The following SCD5 variants were observed in gnomAD, a reference collection of about 807,000 sequenced individuals.
SCD5 encodes acyl-CoA-desaturase 4.
In SCD5, 20 loss-of-function variants were observed where a neutral mutation model predicts 30.4. That is an observed-to-expected ratio of 0.66 (90% CI 0.46 to 0.96). The LOEUF is 0.96. Ranked by LOEUF, SCD5 falls within the 40% of genes least tolerant of loss-of-function variation. The pLI, the probability that SCD5 is intolerant of heterozygous loss-of-function variation, is 0.00. For synonymous variants in SCD5, 173 were observed against 176.4 expected (o/e 0.98, Z 0.16); for missense variants, 381 against 443.3 (o/e 0.86, Z 1.26).
At chr4:82,758,806 G>C (rs746365255) in intron 1 of SCD5, among the ~76,000 whole-genome samples, 1 of 152,152 alleles carries the variant, frequency 6.6e-6, no homozygotes, top group Non-Finnish European at 1.5e-5. Flanking sequence ...CAGGAAAGAA[G>C]GACTGACAGC....
chr4:82,796,264 T>C (rs1317438909), intron 1 of SCD5, among the ~76,000 whole-genome samples: 3 of 142,360 alleles, frequency 2.1e-5, no homozygotes, highest in Admixed American at 6.9e-5. Context: ...AGCGAGACTC[T>C]GTCTCAAAAA....
chr4:82,776,506 T>C (rs974627377), intron 1 of SCD5, among the ~76,000 whole-genome samples: 3 of 152,204 alleles, frequency 2.0e-5, no homozygotes, highest in African/African-American at 7.2e-5. Context: ...GAGGTGTTCA[T>C]ATCCCTGCTG....
intron 1 of SCD5, among the ~76,000 whole-genome samples, chr4:82,775,205 G>A (rs1037922222): frequency 6.6e-6 from 1 of 152,210 alleles, no homozygotes; most frequent in Non-Finnish European, 1.5e-5. Flanking sequence ...ATATCCCCCA[G>A]ATTCACTGGA....
At chr4:82,643,074 C>A (rs1445658172) in intron 3 of SCD5, among the ~76,000 whole-genome samples, 1 of 152,086 alleles carries the variant, frequency 6.6e-6, no homozygotes, top group Non-Finnish European at 1.5e-5. Flanking sequence ...GCCAATAAGA[C>A]TGGAGGGGAA....
chr4:82,713,339 G>A (rs529027427), intron 1 of SCD5, among the ~76,000 whole-genome samples: 1 of 152,290 alleles, frequency 6.6e-6, no homozygotes, highest in East Asian at 1.9e-4. Flanking sequence ...ATAGCAATAA[G>A]CATGAAAGTC....
At chr4:82,725,551 C>T (rs1295112316) in intron 1 of SCD5, among the ~76,000 whole-genome samples, 1 of 134,254 alleles carries the variant, frequency 7.4e-6, no homozygotes, top group East Asian at 2.1e-4. Flanking sequence ...CATTCTAAAA[C>T]GTGATTCCTT....
chr4:82,730,263 T>TTA (rs147870555), intron 1 of SCD5, among the ~76,000 whole-genome samples: 369 of 87,550 alleles, frequency 4.2e-3, no homozygotes, highest in African/African-American at 0.036. Context: ...TATTATACAT[T>TTA]TATATATATA....
chr4:82,715,496 G>A (rs1249180260), intron 1 of SCD5, among the ~76,000 whole-genome samples: 1 of 151,142 alleles, frequency 6.6e-6, no homozygotes, highest in East Asian at 1.9e-4. Flanking sequence ...CCCTTGACAA[G>A]TTACTCATCA....
intron 1 of SCD5, among the ~76,000 whole-genome samples, chr4:82,710,579 G>A (rs1578032121): frequency 6.6e-6 from 1 of 152,180 alleles, no homozygotes; most frequent in South Asian, 2.1e-4. Context: ...AGAGGAGGGG[G>A]AAGCCAACAG....
intron 3 of SCD5, among the ~76,000 whole-genome samples, chr4:82,638,478 T>C (rs17005933): frequency 0.058 from 8,905 of 152,234 alleles, 417 homozygotes; most frequent in African/African-American, 0.13. Flanking sequence ...GGTCACAATA[T>C]ACCTCTGGAT....
At chr4:82,684,838 A>G (rs1728666818) in intron 2 of SCD5, among the ~76,000 whole-genome samples, 1 of 152,210 alleles carries the variant, frequency 6.6e-6, no homozygotes, top group Non-Finnish European at 1.5e-5. Flanking sequence ...CACGGGAAAC[A>G]AAAACAATAT....
intron 4 of SCD5, among the ~76,000 whole-genome samples, chr4:82,631,758 A>G (rs1174903515): frequency 6.6e-6 from 1 of 152,244 alleles, no homozygotes; most frequent in Non-Finnish European, 1.5e-5. Flanking sequence ...TGCAGACATG[A>G]TACCATGACC....
intron 4 of SCD5, among the ~76,000 whole-genome samples, chr4:82,633,123 C>G (rs1248943331): frequency 6.6e-6 from 1 of 152,036 alleles, no homozygotes; most frequent in Admixed American, 6.6e-5. Flanking sequence ...AAATTTGTAC[C>G]CTTTGACCAA....
intron 1 of SCD5, among the ~76,000 whole-genome samples, chr4:82,727,553 T>C (rs1720531374): frequency 6.6e-6 from 1 of 152,160 alleles, no homozygotes; most frequent in Admixed American, 6.5e-5. Flanking sequence ...TCTTTTAGTC[T>C]TTTCAGAAGC....
chr4:82,727,091 C>T lies in SCD5; in HGVS notation c.233-21678G>A, dbSNP rs115364333. On this transcript the variant is annotated intron_variant, in intron 1 of 4. Coordinates refer to ENST00000319540, the MANE Select transcript of SCD5 (RefSeq NM_001037582.3). ...CACCCCATCTCACATCTTGAGGTTC[C>T]TGGGTTCATATCTAAGTAAGGAGAG... Among the ~76,000 whole-genome samples the T allele has an allele frequency of 6.9e-3, 1,058 of 152,272 alleles. 19 individuals carry two copies. Among genetic ancestry groups the T allele is most frequent in the African/African-American group, 0.023 (958 of 41,538 alleles).
intron 4 of SCD5, among the ~76,000 whole-genome samples, chr4:82,635,241 G>A (rs563761485): frequency 1.7e-4 from 26 of 152,322 alleles, no homozygotes; most frequent in African/African-American, 5.8e-4. Flanking sequence ...TAACTGCTAT[G>A]ATTATCCCTG....
chr4:82,726,704 T>G (rs911524316), intron 1 of SCD5, among the ~76,000 whole-genome samples: 1 of 152,202 alleles, frequency 6.6e-6, no homozygotes, highest in Non-Finnish European at 1.5e-5. Flanking sequence ...TCTATTTTAT[T>G]ATGCTTTAAA....
rs375307880 is a variant in SCD5 at position 82,637,944 on chromosome 4, G to A, written c.570-1121C>T. ...TGTCACATAGGGAAACGTGTGCCAC[G>A]ATGGTTTGCTGCACCTGTCAACCCA... is the stretch of plus-strand genomic sequence containing the variant. On this transcript the variant is annotated intron_variant, in intron 3 of 4. Coordinates refer to ENST00000319540, the MANE Select transcript of SCD5 (RefSeq NM_001037582.3). Among the ~76,000 whole-genome samples the A allele has an allele frequency of 5.3e-5, 8 of 152,210 alleles. No homozygotes were observed. In the East Asian group the frequency reaches 9.7e-4, roughly 18 times the overall value.
chr4:82,781,681 T>TCCTAC (rs1399078175), intron 1 of SCD5, among the ~76,000 whole-genome samples: 5 of 152,142 alleles, frequency 3.3e-5, no homozygotes, highest in African/African-American at 1.2e-4. Context: ...GTGGACTAAC[T>TCCTAC]ATAAAAGGAT....
Sources: allele counts gnomAD v4.1 joint callset (sites outside exome capture counted in the v4.1 genomes callset), GRCh38; gene constraint gnomAD v4.1.1; transcripts MANE v1.5; gene names NCBI Gene and HGNC (gene_info 2026-07-23, HGNC 2026-07-21).